SEMA4D: variants seen among roughly 807,000 people sequenced by gnomAD.
The protein encoded by SEMA4D is semaphorin-4D.
In SEMA4D, 22 loss-of-function variants were observed where a neutral mutation model predicts 74.8. The ratio of observed to expected loss-of-function variants is 0.29; its 90% confidence interval spans 0.21 to 0.42. The LOEUF (loss-of-function observed/expected upper bound fraction) is 0.42, where lower values mean the gene tolerates loss of function less well. Ranked by LOEUF, SEMA4D falls within the 10% of genes least tolerant of loss-of-function variation. SEMA4D has a pLI of 1.00. For synonymous variants in SEMA4D, 445 were observed against 463.7 expected, an observed-to-expected ratio of 0.96 and a Z score of 0.52; for missense variants, 937 against 1,118.4, an observed-to-expected ratio of 0.84 and a Z score of 2.31.
At chr9:89,468,802 C>T (rs1289152462) in intron 1 of SEMA4D, among the ~76,000 whole-genome samples, 1 of 152,072 alleles carries the variant, frequency 6.6e-6, no homozygotes, top group Admixed American at 6.5e-5. Flanking sequence ...TCTGAAACTT[C>T]TAGAGACACT....
At chr9:89,405,276 C>G in intron 3 of SEMA4D, 75 bp downstream of exon 3, 1 of 1,337,410 alleles carries the variant, frequency 7.5e-7, no homozygotes, top group Non-Finnish European at 1.1e-6. Context: ...CCGTCCCCAG[C>G]CACCCACCTC....
chr9:89,419,188 G>T (rs913799135), intron 2 of SEMA4D, among the ~76,000 whole-genome samples: 1 of 152,176 alleles, frequency 6.6e-6, no homozygotes, highest in Non-Finnish European at 1.5e-5. Context: ...GATCAGAAAC[G>T]ATCACGATTC....
rs777697822 is a variant in SEMA4D, at chr9:89,388,990, G to A, written c.832C>T (p.Arg278Ter). Reference protein sequence around the residue: ...QKKWTSFLKARLICSRPDSGL... With the variant: ...QKKWTSFLKA ...CTGTCTGGCCGGGAGCAGATGAGTC[G>A]GGCTTTCAGGAAGGAGGTCCATTTC... is the stretch of plus-strand genomic sequence containing the variant. Residue 278 changes from arginine to a stop codon, truncating the protein, a stop_gained, in exon 10 of 16, where the codon CGA (arginine) becomes TGA (stop). Transcript: ENST00000422704. LOFTEE classifies it high-confidence loss of function. 1 of 1,614,024 alleles carries A rather than the reference G, an allele frequency of 6.2e-7. No individual in the cohort carries two copies. Among genetic ancestry groups the A allele is most frequent in the Non-Finnish European group, 8.5e-7 (1 of 1,180,018 alleles).
rs575988734 is a variant in SEMA4D, at chr9:89,484,393, T to C, written c.-310+13526A>G. Among the ~76,000 whole-genome samples the C allele has an allele frequency of 1.3e-5, 2 of 152,202 alleles. No individual in the cohort carries two copies. Among genetic ancestry groups the C allele is most frequent in the East Asian group, 3.9e-4 (2 of 5,180 alleles). On this transcript the variant is annotated intron_variant, in intron 1 of 15. Coordinates refer to ENST00000422704, the MANE Select transcript of SEMA4D (RefSeq NM_001371194.2). The surrounding 1 kb of genome is among the most constrained non-coding windows in gnomAD (Gnocchi z 4.1). ...CGTGCAGCATATGACTGTGTGGTGT[T>C]ATGTGTGGGGTTTGATGTGTGGTGT...
chr9:89,380,893 AAGAC>A (rs930151765), intron 15 of SEMA4D, among the ~76,000 whole-genome samples, 158 bp downstream of exon 15: 1 of 152,264 alleles, frequency 6.6e-6, no homozygotes, highest in African/African-American at 2.4e-5. Flanking sequence ...GCAAGAAAAA[AAGAC>A]AGAGAAGACC....
intron 2 of SEMA4D, chr9:89,450,687 A>AAAAAAAAAT: frequency 1.0e-6 from 1 of 982,322 alleles, no homozygotes; most frequent in Non-Finnish European, 1.5e-6. Flanking sequence ...AAAAAAAAAA[A>AAAAAAAAAT]GGCCTCCAAG....
chr9:89,409,469 G>GA (rs1187066385), intron 2 of SEMA4D, among the ~76,000 whole-genome samples: 3 of 152,208 alleles, frequency 2.0e-5, no homozygotes, highest in Non-Finnish European at 4.4e-5. Flanking sequence ...TCTGTGGGGG[G>GA]ATTCTGAAAA....
intron 1 of SEMA4D, among the ~76,000 whole-genome samples, chr9:89,496,294 G>C (rs974726658): frequency 1.3e-5 from 2 of 152,182 alleles, no homozygotes; most frequent in African/African-American, 4.8e-5. Flanking sequence ...GCAAGACCTT[G>C]GGCTGGCATG....
intron 2 of SEMA4D, among the ~76,000 whole-genome samples, chr9:89,444,706 G>A (rs1175740137): frequency 1.3e-5 from 2 of 151,688 alleles, no homozygotes; most frequent in Non-Finnish European, 2.9e-5. Context: ...GAAAACTCCT[G>A]CCAGAAAATC....
At chr9:89,403,503 T>G (rs762806875) in intron 3 of SEMA4D, among the ~76,000 whole-genome samples, 2 of 152,226 alleles carry the variant, frequency 1.3e-5, no homozygotes, top group African/African-American at 2.4e-5. Flanking sequence ...CAAAATTTCT[T>G]TTGGAGAATA....
intron 1 of SEMA4D, among the ~76,000 whole-genome samples, chr9:89,478,191 C>G (rs925874316): frequency 6.6e-6 from 1 of 152,194 alleles, no homozygotes; most frequent in Admixed American, 6.5e-5. Context: ...TGAAGAGATG[C>G]AATCTTGTTT....
chr9:89,371,938 TGTG>T (rs1834995605), intron 16 of SEMA4D, among the ~76,000 whole-genome samples: 1 of 135,612 alleles, frequency 7.4e-6, no homozygotes, highest in Non-Finnish European at 1.6e-5. Context: ...GTGTGTGGGG[TGTG>T]GTGTGTGTGG....
chr9:89,376,170 CATTCTGGA>C (rs1300741333), downstream of SEMA4D, among the ~76,000 whole-genome samples: 26 of 152,354 alleles, frequency 1.7e-4, 1 homozygote, highest in African/African-American at 6.0e-4. Context: ...AAACAACTCC[CATTCTGGA>C]AGCTCTTAAT....
rs374331286 is a variant in SEMA4D at position 89,381,108 on chromosome 9, A to C, written c.1620-10T>G. 1.2e-5 allele frequency: 20 copies of C among 1,614,110 alleles called. No homozygotes were observed. Among genetic ancestry groups the C allele is most frequent in the Non-Finnish European group, 1.6e-5 (19 of 1,180,036 alleles). ...CTCCTGAATCAAACCCCTGCAAAACAACCGGCACGTGTTATTCACCCACAC... is the reference window on the plus strand; with the variant it reads ...CTCCTGAATCAAACCCCTGCAAAACCACCGGCACGTGTTATTCACCCACAC... On this transcript the variant is annotated splice_polypyrimidine_tract_variant and intron_variant, in intron 14 of 15. Coordinates refer to ENST00000422704, the MANE Select transcript of SEMA4D (RefSeq NM_001371194.2). The surrounding 1 kb of genome is among the most constrained non-coding windows in gnomAD (Gnocchi z 4.6).
intron 2 of SEMA4D, among the ~76,000 whole-genome samples, chr9:89,434,881 G>A (rs1850060575): frequency 6.6e-6 from 1 of 152,212 alleles, no homozygotes; most frequent in Non-Finnish European, 1.5e-5. Context: ...GTCTAAAGGG[G>A]CCACTGCACC....
At position 89,388,796 on chromosome 9, in the gene SEMA4D, G is replaced by A. The variant is rs557575285; in HGVS notation, c.951-4C>T. ...TGCCGACAGCCCCACGTTGTTCCTGGGGAGGGGAAAGAGGTGACGGGACCA... is the reference window on the plus strand; with the variant it reads ...TGCCGACAGCCCCACGTTGTTCCTGAGGAGGGGAAAGAGGTGACGGGACCA... On this transcript the variant is annotated splice_polypyrimidine_tract_variant and splice_region_variant and intron_variant, in intron 10 of 15. Transcript: ENST00000422704. 11 of 1,605,316 alleles carry A rather than the reference G, an allele frequency of 6.9e-6. No homozygotes were observed. Among genetic ancestry groups the A allele is most frequent in the Non-Finnish European group, 8.5e-6 (10 of 1,173,418 alleles).
At chr9:89,432,238 A>G (rs1438235227) in intron 2 of SEMA4D, among the ~76,000 whole-genome samples, 1 of 152,246 alleles carries the variant, frequency 6.6e-6, no homozygotes, top group Non-Finnish European at 1.5e-5. Flanking sequence ...AATAAATGTT[A>G]ACCACTAATA....
intron 1 of SEMA4D, among the ~76,000 whole-genome samples, chr9:89,496,296 G>A (rs1564023473): frequency 6.6e-6 from 1 of 152,194 alleles, no homozygotes; most frequent in Non-Finnish European, 1.5e-5. Flanking sequence ...AAGACCTTGG[G>A]CTGGCATGGC....
chr9:89,447,336 C>T (rs1313913367), intron 2 of SEMA4D, among the ~76,000 whole-genome samples: 7 of 152,026 alleles, frequency 4.6e-5, no homozygotes, highest in Admixed American at 4.6e-4. Flanking sequence ...AGGTACCCCA[C>T]AGCCTCCTCC....
Sources: allele counts gnomAD v4.1 joint callset (sites outside exome capture counted in the v4.1 genomes callset), GRCh38; gene constraint gnomAD v4.1.1; non-coding constraint Gnocchi (gnomAD v3.1); transcripts MANE v1.5; gene names NCBI Gene and HGNC (gene_info 2026-07-23, HGNC 2026-07-21).